PACRG: variants seen among roughly 807,000 people sequenced by gnomAD.
PACRG encodes parkin coregulated.
A neutral mutation model predicts 29.7 loss-of-function variants in PACRG; 29 were observed. The observed-to-expected ratio is 0.98, with a 90% CI of 0.73 to 1.33. PACRG has a LOEUF of 1.33. Ranked by LOEUF, PACRG falls within the 40% of genes most tolerant of loss-of-function variation. PACRG has a pLI of 0.00. For synonymous variants in PACRG, 116 were observed against 118.7 expected, an observed-to-expected ratio of 0.98 and a Z score of 0.15; for missense variants, 279 against 316.2, an observed-to-expected ratio of 0.88 and a Z score of 0.89.
intron 4 of PACRG, among the ~76,000 whole-genome samples, chr6:163,241,766 G>A (rs1440715789): frequency 5.3e-5 from 8 of 152,202 alleles, no homozygotes; most frequent in Non-Finnish European, 1.2e-4. Flanking sequence ...CATGAAGCGG[G>A]TGTGTAGAAG....
At chr6:162,946,608 A>G (rs1799028026) in intron 2 of PACRG, among the ~76,000 whole-genome samples, 1 of 152,132 alleles carries the variant, frequency 6.6e-6, no homozygotes. Flanking sequence ...AAAATCAAAG[A>G]GGAGAGAATT....
intron 4 of PACRG, among the ~76,000 whole-genome samples, chr6:163,294,267 T>C (rs1394061708): frequency 2.0e-5 from 3 of 152,160 alleles, no homozygotes; most frequent in East Asian, 3.8e-4. Context: ...TATACGAAAT[T>C]GCAGGGAAGT....
chr6:163,293,750 G>T (rs558511494), intron 4 of PACRG, among the ~76,000 whole-genome samples: 4 of 152,114 alleles, frequency 2.6e-5, no homozygotes, highest in African/African-American at 9.7e-5. Flanking sequence ...AAGGTATACA[G>T]GGAATATAGG....
At chr6:162,779,857 C>A (rs1783956230) in intron 1 of PACRG, among the ~76,000 whole-genome samples, 1 of 152,108 alleles carries the variant, frequency 6.6e-6, no homozygotes, top group African/African-American at 2.4e-5. Flanking sequence ...AAACATCAGG[C>A]AATGAAGGAC....
At chr6:162,778,342 G>T (rs1040148776) in intron 1 of PACRG, among the ~76,000 whole-genome samples, 1 of 152,046 alleles carries the variant, frequency 6.6e-6, no homozygotes. Context: ...TTGTTCCTGT[G>T]GTTGTATAAG....
chr6:162,832,220 T>C (rs1460201104), intron 2 of PACRG, among the ~76,000 whole-genome samples: 1 of 152,222 alleles, frequency 6.6e-6, no homozygotes, highest in Non-Finnish European at 1.5e-5. Context: ...TGAGATGATA[T>C]CTCATTGTGG....
chr6:163,021,869 C>G (rs550208344), intron 2 of PACRG, among the ~76,000 whole-genome samples: 2 of 152,186 alleles, frequency 1.3e-5, no homozygotes, highest in South Asian at 2.1e-4. Context: ...CCTGTTATTC[C>G]GAGTTAAGCA....
At chr6:162,950,616 A>G (rs1799578413) in intron 2 of PACRG, among the ~76,000 whole-genome samples, 1 of 152,212 alleles carries the variant, frequency 6.6e-6, no homozygotes, top group South Asian at 2.1e-4. Flanking sequence ...GGTTTTGGAT[A>G]TACGTTCATG....
chr6:162,826,882 T>G (rs2128386066), intron 2 of PACRG, among the ~76,000 whole-genome samples: 1 of 152,330 alleles, frequency 6.6e-6, no homozygotes, highest in South Asian at 2.1e-4. Context: ...ACCCTTCCAA[T>G]GGAAAACATC....
At chr6:163,071,024 C>T (rs914925489) in intron 3 of PACRG, among the ~76,000 whole-genome samples, 2 of 152,084 alleles carry the variant, frequency 1.3e-5, no homozygotes, top group South Asian at 4.1e-4. Flanking sequence ...GCACCCAATA[C>T]TGGAGCACCC....
At chr6:163,196,155 T>G (rs2128364352) in intron 4 of PACRG, among the ~76,000 whole-genome samples, 1 of 152,320 alleles carries the variant, frequency 6.6e-6, no homozygotes, top group African/African-American at 2.4e-5. Context: ...CGCGAGAACG[T>G]TCCCTGATCA....
At chr6:163,031,378 T>C (rs1202915619) in intron 2 of PACRG, among the ~76,000 whole-genome samples, 2 of 152,236 alleles carry the variant, frequency 1.3e-5, no homozygotes, top group African/African-American at 4.8e-5. Context: ...GATTTTTACA[T>C]TACCCATCCC....
At chr6:163,180,316 T>C (rs16894613) in intron 4 of PACRG, among the ~76,000 whole-genome samples, 4,962 of 152,316 alleles carry the variant, frequency 0.033, 223 homozygotes, top group African/African-American at 0.11. Flanking sequence ...GTGACAAGTA[T>C]GTTCGTTAAA....
chr6:163,314,273 C>T (rs1397882948), intron 4 of PACRG, among the ~76,000 whole-genome samples: 1 of 152,214 alleles, frequency 6.6e-6, no homozygotes, highest in Non-Finnish European at 1.5e-5. Context: ...GCAGGAGAAG[C>T]AGCTTCCTCC....
At chr6:163,184,079 T>G (rs1383841216) in intron 4 of PACRG, among the ~76,000 whole-genome samples, 2 of 152,230 alleles carry the variant, frequency 1.3e-5, no homozygotes, top group Non-Finnish European at 2.9e-5. Context: ...TTTATTTTAT[T>G]CTTATTGAAC....
chr6:163,017,080 G>A (rs1159583131), intron 2 of PACRG, among the ~76,000 whole-genome samples: 1 of 152,056 alleles, frequency 6.6e-6, no homozygotes, highest in East Asian at 1.9e-4. Flanking sequence ...TCTTTGAATG[G>A]CTACTTTCAG....
At chr6:162,925,145 C>G (rs929756551) in intron 2 of PACRG, among the ~76,000 whole-genome samples, 1 of 152,104 alleles carries the variant, frequency 6.6e-6, no homozygotes, top group Non-Finnish European at 1.5e-5. Flanking sequence ...AGACCAATAA[C>G]AAGTTCTGAA....
chr6:162,874,861 A>T (rs1793161646), intron 2 of PACRG, among the ~76,000 whole-genome samples: 1 of 151,916 alleles, frequency 6.6e-6, no homozygotes, highest in African/African-American at 2.4e-5. Context: ...ATTCACACAG[A>T]TTCTCACACT....
At chr6:162,849,065 G>C (rs76658474) in intron 2 of PACRG, among the ~76,000 whole-genome samples, 5,435 of 152,256 alleles carry the variant, frequency 0.036, 315 homozygotes, top group African/African-American at 0.12. Flanking sequence ...AGGGCTGGGG[G>C]CAGAGGAAGC....
Sources: allele counts gnomAD v4.1 joint callset (sites outside exome capture counted in the v4.1 genomes callset), GRCh38; gene constraint gnomAD v4.1.1; transcripts MANE v1.5; gene names NCBI Gene and HGNC (gene_info 2026-07-23, HGNC 2026-07-21).